The following ARID1B variants were observed in gnomAD, a reference collection of about 807,000 sequenced individuals.
The protein encoded by ARID1B is AT-rich interactive domain-containing protein 1B.
In ARID1B, 30 loss-of-function variants were observed where a neutral mutation model predicts 212.3. The observed-to-expected ratio is 0.14, with a 90% CI of 0.11 to 0.19. The LOEUF is 0.19. ARID1B is among the 10% of genes least tolerant of loss of function. The pLI is 1.00. For synonymous variants in ARID1B, 1,402 were observed against 1,301.7 expected, an observed-to-expected ratio of 1.08 and a Z score of -1.66; for missense variants, 2,891 against 3,204.0, an observed-to-expected ratio of 0.90 and a Z score of 2.36.
chr6:156,969,285 A>T (rs978297356), intron 4 of ARID1B, among the ~76,000 whole-genome samples: 2 of 152,178 alleles, frequency 1.3e-5, no homozygotes, highest in Non-Finnish European at 2.9e-5. Context: ...TTCCATATGA[A>T]TGCAAATCGC....
intron 15 of ARID1B, among the ~76,000 whole-genome samples, chr6:157,191,875 T>G (rs887167366): frequency 2.6e-5 from 4 of 152,258 alleles, no homozygotes; most frequent in Non-Finnish European, 5.9e-5. Context: ...TAATATTGTC[T>G]GAGTGGAGAG....
intron 4 of ARID1B, among the ~76,000 whole-genome samples, chr6:157,078,283 T>C (rs1784430028): frequency 6.6e-6 from 1 of 152,186 alleles, no homozygotes; most frequent in South Asian, 2.1e-4. Context: ...CTCGTGGCCA[T>C]AATCATGAGC....
intron 8 of ARID1B, among the ~76,000 whole-genome samples, chr6:157,160,141 A>G (rs1324020873): frequency 6.6e-6 from 1 of 152,156 alleles, no homozygotes; most frequent in Non-Finnish European, 1.5e-5. Flanking sequence ...GAAGACTTAG[A>G]CAAGACTCAC....
At chr6:157,085,030 A>G (rs898347194) in intron 5 of ARID1B, 125 bp downstream of exon 5, 2 of 1,245,740 alleles carry the variant, frequency 1.6e-6, no homozygotes, top group Admixed American at 2.8e-5. Context: ...GTATAACTGA[A>G]TTCTCACCAA....
At chr6:157,124,182 G>A (rs564378348) in intron 6 of ARID1B, among the ~76,000 whole-genome samples, 33 of 152,324 alleles carry the variant, frequency 2.2e-4, no homozygotes, top group South Asian at 6.2e-4. Context: ...GATGAAGAAC[G>A]AAACAATCCA....
rs548160658 is a variant in ARID1B at position 157,186,463 on chromosome 6, C to T, written c.3919+2028C>T. The T allele has an allele frequency of 6.6e-4, 312 of 471,134 alleles. 4 individuals carry two copies. The highest frequency in any genetic ancestry group is 5.5e-3 in the African/African-American group (275 of 50,192). 29.2% of individuals were successfully genotyped at this position (471,134 alleles called of 1,614,324 possible). A position where few individuals can be genotyped will look rare whatever the true frequency, so the allele number is the denominator to read the frequency against. The stretch of plus-strand genomic sequence containing the variant: ...GCAGGGGGCTCCAGGCACACACAGG[C>T]GTCTGGGGGTCGCAGGCAGAGGCAC... On this transcript the variant is annotated intron_variant, in intron 13 of 19. Coordinates refer to ENST00000636930, the MANE Select transcript of ARID1B (RefSeq NM_001374828.1).
chr6:157,068,427 C>A (rs1419862496), intron 4 of ARID1B, among the ~76,000 whole-genome samples: 1 of 152,158 alleles, frequency 6.6e-6, no homozygotes, highest in East Asian at 1.9e-4. Context: ...TGTTGGGGAT[C>A]ACCCACAAGA....
chr6:157,189,637 A>G lies in ARID1B; in HGVS notation c.3920-5A>G, dbSNP rs1229890713. 3 of 1,598,786 alleles carry G rather than the reference A, an allele frequency of 1.9e-6. No individual in the cohort carries two copies. Among genetic ancestry groups the G allele is most frequent in the South Asian group, 1.1e-5 (1 of 87,824 alleles). On this transcript the variant is annotated splice_region_variant and splice_polypyrimidine_tract_variant and intron_variant, in intron 13 of 19. Transcript: ENST00000636930. ...TCCTGTTTCTCTTGGTGCTGCTACTATCAGCTAACTCGGGATCCTTGCAAG... is the reference window on the plus strand; with the variant it reads ...TCCTGTTTCTCTTGGTGCTGCTACTGTCAGCTAACTCGGGATCCTTGCAAG...
chr6:157,119,310 G>GCATGT (rs1787540679), intron 6 of ARID1B, among the ~76,000 whole-genome samples: 1 of 152,164 alleles, frequency 6.6e-6, no homozygotes, highest in African/African-American at 2.4e-5. Flanking sequence ...ACCGGTGAGA[G>GCATGT]CATGTCATTC....
intron 2 of ARID1B, among the ~76,000 whole-genome samples, chr6:156,847,535 G>A (rs1472486998): frequency 1.3e-5 from 2 of 152,174 alleles, no homozygotes; most frequent in Admixed American, 6.5e-5. Context: ...CCAGTGAAGG[G>A]TAAGAGAGGA....
At chr6:157,163,595 C>G (rs1009485155) in intron 8 of ARID1B, among the ~76,000 whole-genome samples, 1 of 152,186 alleles carries the variant, frequency 6.6e-6, no homozygotes, top group African/African-American at 2.4e-5. Flanking sequence ...CCACGTGTGG[C>G]CTGTGCTCCT....
chr6:157,127,601 C>T (rs1334224378), intron 6 of ARID1B, among the ~76,000 whole-genome samples: 2 of 150,714 alleles, frequency 1.3e-5, no homozygotes, highest in African/African-American at 2.4e-5. Flanking sequence ...GAAACCCGGT[C>T]TCTACTAAAA....
chr6:156,896,683 A>C (rs1362688861), intron 2 of ARID1B, among the ~76,000 whole-genome samples: 4 of 151,502 alleles, frequency 2.6e-5, no homozygotes, highest in Non-Finnish European at 4.4e-5. Flanking sequence ...GATCGATACC[A>C]TCCTGGCCTA....
chr6:156,990,135 T>C (rs945253379), intron 4 of ARID1B, among the ~76,000 whole-genome samples: 3 of 151,872 alleles, frequency 2.0e-5, no homozygotes, highest in Non-Finnish European at 4.4e-5. Context: ...CAGTGAGTTG[T>C]AGAGTCAATG....
At chr6:157,068,956 A>T (rs890450361) in intron 4 of ARID1B, among the ~76,000 whole-genome samples, 1 of 152,230 alleles carries the variant, frequency 6.6e-6, no homozygotes, top group Non-Finnish European at 1.5e-5. Context: ...ACAGAATAGG[A>T]GTAAATGTCT....
rs2128396972 is a variant in ARID1B, at chr6:157,207,210, C to T, written c.6438C>T (p.Asn2146=). The part of the protein sequence containing the change: ...WWDCLEVLRD[N]TLVTLANISG... ...ACTGCCTCGAGGTCTTGAGGGATAA[C>T]ACGTTGGTCACGTTGGCCAACATTT... The change falls in exon 20 of 20, where the codon AAC becomes AAT. Residue 2146 remains asparagine, a synonymous_variant. Transcript: ENST00000636930. This position sits in a 1 kb window ranked among gnomAD's most constrained non-coding sequence, Gnocchi z 8.5. The T allele has an allele frequency of 6.2e-7, 1 of 1,614,188 alleles. No individual in the cohort carries two copies. The highest frequency in any genetic ancestry group is 8.5e-7 in the Non-Finnish European group (1 of 1,180,036).
intron 4 of ARID1B, among the ~76,000 whole-genome samples, chr6:157,076,003 G>C (rs1229522790): frequency 6.6e-6 from 1 of 152,214 alleles, no homozygotes; most frequent in Non-Finnish European, 1.5e-5. Flanking sequence ...CTGGTTAACA[G>C]TGTCGTAGTA....
intron 15 of ARID1B, chr6:157,195,720 G>C (rs1267010060): frequency 6.2e-6 from 1 of 160,592 alleles, no homozygotes; most frequent in Non-Finnish European, 1.3e-5. Flanking sequence ...GCACATCTTG[G>C]CTCCACAACT....
intron 4 of ARID1B, 175 bp downstream of exon 4, chr6:156,935,751 A>G (rs1002468782): frequency 3.9e-5 from 22 of 562,818 alleles, no homozygotes; most frequent in African/African-American, 3.2e-4. Flanking sequence ...GTAGTCCTGG[A>G]TAAGTCTATT....
Sources: allele counts gnomAD v4.1 joint callset (sites outside exome capture counted in the v4.1 genomes callset), GRCh38; gene constraint gnomAD v4.1.1; non-coding constraint Gnocchi (gnomAD v3.1); transcripts MANE v1.5; gene names NCBI Gene and HGNC (gene_info 2026-07-23, HGNC 2026-07-21).